PCSK5: variants seen among roughly 807,000 people sequenced by gnomAD.
The protein encoded by PCSK5 is proprotein convertase subtilisin/kexin type 5.
In PCSK5, 129 loss-of-function variants were observed where a neutral mutation model predicts 233.2. The observed-to-expected ratio is 0.55, with a 90% CI of 0.48 to 0.64. The LOEUF (loss-of-function observed/expected upper bound fraction) is 0.64, where lower values mean the gene tolerates loss of function less well. Among genes scored for constraint, PCSK5 ranks in the 30% least tolerant of loss-of-function variants. The pLI is 0.00. For synonymous variants in PCSK5, 825 were observed against 879.2 expected, an observed-to-expected ratio of 0.94 and a Z score of 1.09; for missense variants, 2,076 against 2,430.1, an observed-to-expected ratio of 0.85 and a Z score of 3.06.
At chr9:76,071,664 T>G in intron 6 of PCSK5, 62 bp from the exon 7 acceptor site, 2 of 1,359,572 alleles carry the variant, frequency 1.5e-6, no homozygotes, top group Non-Finnish European at 2.0e-6. Context: ...CCTGCAGCTC[T>G]GTTCTTTGAG....
At chr9:75,999,563 C>G (rs1005528700) in intron 3 of PCSK5, among the ~76,000 whole-genome samples, 1 of 152,250 alleles carries the variant, frequency 6.6e-6, no homozygotes, top group Non-Finnish European at 1.5e-5. Flanking sequence ...GGAACATGCC[C>G]TTAAGGCACA....
chr9:76,011,185 A>C (rs1412144969), intron 3 of PCSK5, among the ~76,000 whole-genome samples: 1 of 152,238 alleles, frequency 6.6e-6, no homozygotes, highest in East Asian at 1.9e-4. Flanking sequence ...CTTGCTCATT[A>C]TACTCCAGGG....
chr9:76,268,800 G>A (rs199517849), intron 24 of PCSK5, among the ~76,000 whole-genome samples: 28 of 152,240 alleles, frequency 1.8e-4, no homozygotes, highest in East Asian at 5.8e-4. Flanking sequence ...ACCTGTGACC[G>A]TCCCACTGCA....
chr9:76,233,029 G>A (rs1826143082), intron 21 of PCSK5, among the ~76,000 whole-genome samples: 1 of 152,208 alleles, frequency 6.6e-6, no homozygotes, highest in Non-Finnish European at 1.5e-5. Context: ...CCTTGGAGCT[G>A]ACATTTCCCT....
rs1339247 is a variant in PCSK5, at chr9:76,143,290, T to C, written c.1312+9078T>C. ...GCTCAGTGTACAAAAAGGACAGGTA[T>C]GGTGTGATGAGGAAAGTAATCTAAA... On this transcript the variant is annotated intron_variant, in intron 10 of 37. Coordinates refer to ENST00000674117, the MANE Select transcript of PCSK5 (RefSeq NM_001372043.1). Among the ~76,000 whole-genome samples, 1,274 of 152,206 alleles carry C rather than the reference T, an allele frequency of 8.4e-3. 27 individuals are homozygous for C. Among genetic ancestry groups the C allele is most frequent in the African/African-American group, 0.027 (1,142 of 41,528 alleles).
chr9:75,976,274 CCACACACACACACACACACACACA>C (rs10562995), intron 2 of PCSK5, among the ~76,000 whole-genome samples: 47,395 of 141,562 alleles, frequency 0.33, 8,717 homozygotes, highest in Non-Finnish European at 0.44. Flanking sequence ...CACACAGACA[CCACACACACACACACACACACACA>C]CACACACACA....
intron 12 of PCSK5, among the ~76,000 whole-genome samples, chr9:76,161,255 C>T (rs1426893482): frequency 2.6e-5 from 4 of 152,140 alleles, no homozygotes; most frequent in Non-Finnish European, 4.4e-5. Context: ...AGCATAGGAT[C>T]GCTGGGCACT....
chr9:75,991,663 C>T (rs979167484), intron 3 of PCSK5, among the ~76,000 whole-genome samples: 6 of 152,000 alleles, frequency 3.9e-5, no homozygotes, highest in South Asian at 2.1e-4. Context: ...TAGGAAAGGT[C>T]GTGAGGATTT....
At chr9:76,317,062 GA>G (rs1829053483) in intron 30 of PCSK5, among the ~76,000 whole-genome samples, 1 of 152,022 alleles carries the variant, frequency 6.6e-6, no homozygotes, top group Admixed American at 6.6e-5. Flanking sequence ...TTTCTTACCT[GA>G]AACTATATCA....
rs376261823 is a variant in PCSK5, at chr9:76,341,482, C to T, written c.4966+3035C>T. On this transcript the variant is annotated intron_variant, in intron 35 of 37. Transcript: ENST00000674117. ...AACTTTATTTTATAATTAATAGAGA[C>T]GATGTCTCGCCATGTTGCCCAGGCT... 6.9e-4 allele frequency among the ~76,000 whole-genome samples: 105 copies of T among 152,140 alleles called. No homozygotes were observed. The Middle Eastern group carries it at 0.01, about 15-fold the overall frequency.
At chr9:76,056,090 GA>G (rs977089573) in intron 5 of PCSK5, among the ~76,000 whole-genome samples, 2 of 152,194 alleles carry the variant, frequency 1.3e-5, no homozygotes, top group African/African-American at 4.8e-5. Context: ...CTAGGTGTCA[GA>G]AGGGAATACC....
chr9:76,165,914 C>G (rs1251251395), intron 12 of PCSK5, among the ~76,000 whole-genome samples: 1 of 146,268 alleles, frequency 6.8e-6, no homozygotes, highest in South Asian at 2.2e-4. Flanking sequence ...GTCCATGGTT[C>G]GACACTTGAT....
At chr9:75,900,669 ACT>A (rs1825987974) in intron 1 of PCSK5, among the ~76,000 whole-genome samples, 1 of 120,412 alleles carries the variant, frequency 8.3e-6, no homozygotes, top group East Asian at 2.2e-4. Context: ...ACGGAGCGAG[ACT>A]CTGTCTCAAA....
intron 1 of PCSK5, among the ~76,000 whole-genome samples, chr9:75,929,059 C>G (rs1823654188): frequency 6.6e-6 from 1 of 152,098 alleles, no homozygotes; most frequent in Admixed American, 6.6e-5. Context: ...CCTCAGCCTC[C>G]CGAGTAGCTG....
At chr9:76,060,110 G>A (rs1829973277) in intron 5 of PCSK5, among the ~76,000 whole-genome samples, 2 of 152,124 alleles carry the variant, frequency 1.3e-5, no homozygotes, top group South Asian at 4.1e-4. Context: ...AGGGAAGTAT[G>A]AGCTGCAAAA....
intron 7 of PCSK5, among the ~76,000 whole-genome samples, chr9:76,092,380 C>T (rs1273770409): frequency 6.6e-6 from 1 of 152,044 alleles, no homozygotes; most frequent in African/African-American, 2.4e-5. Flanking sequence ...CAAGGTCTGG[C>T]GCTTTCTTTT....
intron 27 of PCSK5, among the ~76,000 whole-genome samples, chr9:76,301,368 A>G (rs909302585): frequency 1.3e-5 from 2 of 152,182 alleles, no homozygotes; most frequent in Non-Finnish European, 2.9e-5. Flanking sequence ...AAGGCACCAG[A>G]TAATGGTAAG....
intron 3 of PCSK5, among the ~76,000 whole-genome samples, chr9:76,010,958 A>C (rs993230889): frequency 6.6e-6 from 1 of 152,180 alleles, no homozygotes; most frequent in Non-Finnish European, 1.5e-5. Context: ...AGGAGTTACT[A>C]TAAAGTTCAG....
chr9:76,073,618 A>G (rs1830548706), intron 7 of PCSK5, among the ~76,000 whole-genome samples: 1 of 152,200 alleles, frequency 6.6e-6, no homozygotes, highest in African/African-American at 2.4e-5. Flanking sequence ...ATATTTAATC[A>G]TAAAATTATA....
Sources: gnomAD v4.1 joint callset for allele counts (sites outside exome capture counted in the v4.1 genomes callset) on GRCh38, gnomAD v4.1.1 for gene constraint, MANE v1.5 for transcripts, NCBI Gene and HGNC (gene_info 2026-07-23, HGNC 2026-07-21) for gene names.